The following SERPINB7 variants were observed in gnomAD, a reference collection of about 807,000 sequenced individuals.
The protein encoded by SERPINB7 is serpin family B member 7, also known as serpin B7.
In SERPINB7, 31 loss-of-function variants were observed where a neutral mutation model predicts 37.4. That is an observed-to-expected ratio of 0.83 (90% CI 0.62 to 1.12). The LOEUF (loss-of-function observed/expected upper bound fraction) is 1.12. Ranked by LOEUF, SERPINB7 falls within the 50% of genes most tolerant of loss-of-function variation. The probability of loss-of-function intolerance (pLI) is 0.00; values close to 1 mark genes in which losing one functional copy is unlikely to be tolerated. For synonymous variants in SERPINB7, 163 were observed against 166.1 expected (o/e 0.98, Z 0.14); for missense variants, 521 against 455.3 (o/e 1.14, Z -1.31).
intron 1 of SERPINB7, among the ~76,000 whole-genome samples, chr18:63,781,460 G>A (rs2049300233): frequency 6.6e-6 from 1 of 152,234 alleles, no homozygotes; most frequent in Admixed American, 6.5e-5. Context: ...ACCATCAGAT[G>A]TAATATCATT....
In SERPINB7 at chr18:63,804,534, C is replaced by A; in HGVS notation, c.1042C>A (p.Gln348Lys). 1 of 1,613,788 alleles carries A rather than the reference C, an allele frequency of 6.2e-7. No homozygotes were observed. Among genetic ancestry groups the A allele is most frequent in the Non-Finnish European group, 8.5e-7 (1 of 1,179,866 alleles). ...CACAGGAAGTAATATTGTAGAAAAG[C>A]AACTCCCTCAGTCCACGCTGTTTAG... is the stretch of plus-strand genomic sequence containing the variant. ...AATGSNIVEK[Q>K]LPQSTLFRAD... The change falls in exon 8 of 8, where the codon CAA (glutamine) becomes AAA (lysine). Residue 348 changes from glutamine (Q) to lysine (K), a missense_variant. Physicochemically the swap from Gln to Lys is moderately conservative, Grantham distance 53. Coordinates refer to ENST00000398019, the MANE Select transcript of SERPINB7 (RefSeq NM_003784.4).
chr18:63,797,824 G>T (rs1245786941), intron 5 of SERPINB7, among the ~76,000 whole-genome samples: 1 of 152,060 alleles, frequency 6.6e-6, no homozygotes, highest in East Asian at 1.9e-4. Flanking sequence ...TCATTATCAG[G>T]CCCTTGCTTC....
At chr18:63,762,166 T>C (rs1020061915) in intron 1 of SERPINB7, among the ~76,000 whole-genome samples, 5 of 152,078 alleles carry the variant, frequency 3.3e-5, no homozygotes, top group African/African-American at 1.2e-4. Context: ...TGCAATGTGG[T>C]GCCAAGCCCA....
At chr18:63,801,232 G>C (rs568493619) in intron 7 of SERPINB7, among the ~76,000 whole-genome samples, 2 of 152,156 alleles carry the variant, frequency 1.3e-5, no homozygotes, top group Non-Finnish European at 2.9e-5. Flanking sequence ...AATTTCAGTT[G>C]AGTAGTGATC....
At chr18:63,760,154 G>A (rs1177417783) in intron 1 of SERPINB7, among the ~76,000 whole-genome samples, 1 of 152,186 alleles carries the variant, frequency 6.6e-6, no homozygotes, top group Non-Finnish European at 1.5e-5. Flanking sequence ...ATAGCAATAT[G>A]GACAATAAAG....
intron 1 of SERPINB7, among the ~76,000 whole-genome samples, chr18:63,757,332 T>A (rs1167520715): frequency 2.0e-5 from 3 of 152,194 alleles, no homozygotes; most frequent in Non-Finnish European, 4.4e-5. Flanking sequence ...ATCTCAATCC[T>A]CAGCTGCAAA....
At chr18:63,783,221 AGAGAGAG>A (rs1568207774) in intron 2 of SERPINB7, among the ~76,000 whole-genome samples, 188 of 77,402 alleles carry the variant, frequency 2.4e-3, no homozygotes, top group Admixed American at 4.6e-3. Flanking sequence ...AGAGAGAGAG[AGAGAGAG>A]AGAGAGAAAG....
intron 2 of SERPINB7, among the ~76,000 whole-genome samples, chr18:63,788,466 A>G (rs114216965): frequency 0.036 from 5,461 of 152,340 alleles, 130 homozygotes; most frequent in African/African-American, 0.068. Flanking sequence ...TTGTTACAAA[A>G]GAATCAAAAT....
chr18:63,804,708 T>C lies in SERPINB7; in HGVS notation c.*73T>C. On this transcript the variant is annotated 3_prime_UTR_variant, in exon 8 of 8. Transcript: ENST00000398019. Reference sequence around the variant, plus strand: ...CACCACAAGTCAATAGATTTGAGTTTAATTGGAAAAATGTGGTGTTTCCTT... The same window carrying C: ...CACCACAAGTCAATAGATTTGAGTTCAATTGGAAAAATGTGGTGTTTCCTT... The C allele has an allele frequency of 7.0e-7, 1 of 1,429,718 alleles. No individual in the cohort carries two copies. Among genetic ancestry groups the C allele is most frequent in the South Asian group, 1.4e-5 (1 of 73,076 alleles). The allele number at this position is 1,429,718 out of a possible 1,614,324, so 88.6% of individuals were successfully genotyped here.
intron 7 of SERPINB7, among the ~76,000 whole-genome samples, chr18:63,802,040 T>C (rs2049555459): frequency 6.6e-6 from 1 of 152,214 alleles, no homozygotes; most frequent in South Asian, 2.1e-4. Context: ...ACTAAATTTC[T>C]TCCAAAGTTA....
intron 1 of SERPINB7, among the ~76,000 whole-genome samples, chr18:63,778,492 C>T (rs1024360532): frequency 1.3e-5 from 2 of 151,838 alleles, no homozygotes; most frequent in Non-Finnish European, 2.9e-5. Context: ...TTTCTATATA[C>T]AGGCAAAAGT....
chr18:63,801,440 G>C (rs1440604551), intron 7 of SERPINB7, among the ~76,000 whole-genome samples: 1 of 152,172 alleles, frequency 6.6e-6, no homozygotes, highest in Non-Finnish European at 1.5e-5. Flanking sequence ...TTGGACAAGA[G>C]GGTCTCCCTG....
chr18:63,765,652 C>T (rs1598991183), intron 1 of SERPINB7, among the ~76,000 whole-genome samples: 1 of 152,018 alleles, frequency 6.6e-6, no homozygotes, highest in East Asian at 1.9e-4. Flanking sequence ...TTCTAGAATG[C>T]TCTCTCCCTT....
intron 3 of SERPINB7, 71 bp from the exon 4 acceptor site, chr18:63,793,090 T>C (rs1467593277): frequency 2.6e-6 from 2 of 766,550 alleles, no homozygotes; most frequent in African/African-American, 3.6e-5. Flanking sequence ...ATGTTTTGTT[T>C]TATGTGTAAG....
At chr18:63,776,238 T>C (rs1390553721) in intron 1 of SERPINB7, among the ~76,000 whole-genome samples, 1 of 152,038 alleles carries the variant, frequency 6.6e-6, no homozygotes, top group African/African-American at 2.4e-5. Flanking sequence ...ATTCAATAGA[T>C]GCATACAATT....
chr18:63,798,538 T>C, intron 5 of SERPINB7, 66 bp from the exon 6 acceptor site: 1 of 1,281,616 alleles, frequency 7.8e-7, no homozygotes, highest in Non-Finnish European at 1.1e-6. Flanking sequence ...CAATTAATGG[T>C]CTTTTTAAAT....
At chr18:63,755,679 G>A (rs1036810155) in intron 1 of SERPINB7, among the ~76,000 whole-genome samples, 2 of 152,032 alleles carry the variant, frequency 1.3e-5, no homozygotes, top group Non-Finnish European at 1.5e-5. Context: ...GATTGCTTGA[G>A]CCCGGGAATT....
At chr18:63,762,734 C>T (rs1204402258) in intron 1 of SERPINB7, among the ~76,000 whole-genome samples, 3 of 152,144 alleles carry the variant, frequency 2.0e-5, no homozygotes, top group Non-Finnish European at 2.9e-5. Flanking sequence ...GTTTTTTAAT[C>T]TTTGACTTTC....
chr18:63,754,611 G>A (rs2049109942), intron 1 of SERPINB7, among the ~76,000 whole-genome samples: 1 of 152,110 alleles, frequency 6.6e-6, no homozygotes, highest in Non-Finnish European at 1.5e-5. Context: ...AGGACACGCA[G>A]GTATCAGTCC....
Sources: allele counts gnomAD v4.1 joint callset (sites outside exome capture counted in the v4.1 genomes callset), GRCh38; gene constraint gnomAD v4.1.1; transcripts MANE v1.5; gene names NCBI Gene and HGNC (gene_info 2026-07-23, HGNC 2026-07-21).